The following NBEA variants were observed in gnomAD, a reference collection of about 807,000 sequenced individuals.
NBEA encodes neurobeachin.
In NBEA, 44 loss-of-function variants were observed where a neutral mutation model predicts 343.4. The ratio of observed to expected loss-of-function variants is 0.13; its 90% CI spans 0.10 to 0.16. The LOEUF is 0.16. Ranked by LOEUF, NBEA falls within the 10% of genes least tolerant of loss-of-function variation. The probability of loss-of-function intolerance (pLI) is 1.00; values close to 1 mark genes in which losing one functional copy is unlikely to be tolerated. For missense variants in NBEA, 2,555 were observed against 3,631.3 expected (o/e 0.70, Z 7.62); for synonymous variants, 1,175 against 1,238.7 (o/e 0.95, Z 1.08).
At chr13:35,632,756 G>T (rs2153068241) in intron 49 of NBEA, among the ~76,000 whole-genome samples, 1 of 152,044 alleles carries the variant, frequency 6.6e-6, no homozygotes, top group East Asian at 1.9e-4. Flanking sequence ...ACCGCACCTG[G>T]CTAATTTTTG....
At chr13:35,523,324 A>C (rs2077810836) in intron 41 of NBEA, among the ~76,000 whole-genome samples, 1 of 152,224 alleles carries the variant, frequency 6.6e-6, no homozygotes, top group Non-Finnish European at 1.5e-5. Flanking sequence ...GTTAATTCTC[A>C]TGCCCATTTC....
At chr13:34,997,971 T>A (rs1032221609) in intron 1 of NBEA, among the ~76,000 whole-genome samples, 4 of 152,214 alleles carry the variant, frequency 2.6e-5, no homozygotes, top group African/African-American at 7.2e-5. Context: ...GTATTTTTTT[T>A]ATGTAAACTT....
At chr13:35,454,895 TA>T (rs932148860) in intron 40 of NBEA, among the ~76,000 whole-genome samples, 4 of 151,556 alleles carry the variant, frequency 2.6e-5, no homozygotes, top group Non-Finnish European at 2.9e-5. Context: ...AAATAAAAAA[TA>T]AAAAAACAGG....
At chr13:35,598,466 A>G (rs988097680) in intron 47 of NBEA, among the ~76,000 whole-genome samples, 2 of 152,198 alleles carry the variant, frequency 1.3e-5, no homozygotes, top group African/African-American at 4.8e-5. Flanking sequence ...AGAAATAAAC[A>G]TGGTTTGCAG....
At chr13:35,295,969 T>TA (rs1432982082) in intron 35 of NBEA, among the ~76,000 whole-genome samples, 1 of 152,186 alleles carries the variant, frequency 6.6e-6, no homozygotes, top group Admixed American at 6.5e-5. Context: ...TTTTCTAAGC[T>TA]ACCTGTGATA....
At chr13:35,141,849 T>G (rs553256002) in intron 17 of NBEA, among the ~76,000 whole-genome samples, 236 of 152,334 alleles carry the variant, frequency 1.5e-3, no homozygotes, top group Non-Finnish European at 2.9e-3. Flanking sequence ...GTTTTAGTTC[T>G]TGATATTAAG....
intron 1 of NBEA, among the ~76,000 whole-genome samples, chr13:34,994,198 CAAAAAAAAAAAAAAAAAAA>C (rs57966701): frequency 3.3e-5 from 1 of 29,922 alleles, no homozygotes; most frequent in Non-Finnish European, 8.9e-5. Flanking sequence ...GCTCTGTCTC[CAAAAAAAAAAAAAAAAAAA>C]AAAAAAAAAG....
chr13:35,139,743 C>CTTT (rs1566350012), intron 17 of NBEA, among the ~76,000 whole-genome samples: 2 of 55,138 alleles, frequency 3.6e-5, no homozygotes, highest in South Asian at 5.3e-4. Flanking sequence ...TGATGGATGG[C>CTTT]GTTTTTTTTT....
chr13:35,410,657 C>CT (rs2152916498), intron 38 of NBEA, among the ~76,000 whole-genome samples: 1 of 152,230 alleles, frequency 6.6e-6, no homozygotes, highest in Admixed American at 6.5e-5. Context: ...TTTAGTCCAT[C>CT]CCTAAAGAAC....
At chr13:35,231,370 T>C (rs1041123081) in intron 33 of NBEA, among the ~76,000 whole-genome samples, 7 of 152,196 alleles carry the variant, frequency 4.6e-5, no homozygotes, top group African/African-American at 1.7e-4. Flanking sequence ...AATTATTTTA[T>C]GGTTAATTAC....
rs1032873879 is a variant in NBEA at position 35,272,142 on chromosome 13, A to T, written c.5777-18247A>T. Among the ~76,000 whole-genome samples, 3 of 152,332 alleles carry T rather than the reference A, an allele frequency of 2.0e-5. No individual in the cohort carries two copies. The East Asian group carries it at 5.8e-4, about 29-fold the overall frequency. On this transcript the variant is annotated intron_variant, in intron 34 of 58. Coordinates refer to ENST00000379939, the MANE Select transcript of NBEA (RefSeq NM_001385012.1). ...TTACCCACAAAGGGAAGCCCATCAG[A>T]CTAACAGTGGATATCTCTGCAGAAA...
chr13:34,999,955 G>A (rs186246675), intron 1 of NBEA, among the ~76,000 whole-genome samples: 18 of 152,086 alleles, frequency 1.2e-4, no homozygotes, highest in African/African-American at 2.7e-4. Context: ...ATCATCCGTC[G>A]GTATGTCTGT....
rs150852900 is a variant in NBEA, at chr13:35,671,213, A to G, written c.*222A>G. On this transcript the variant is annotated 3_prime_UTR_variant, in exon 59 of 59. Transcript: ENST00000379939. ...CAAGCAAGCTTATATCATGTAAATTATATGAATTAGGAGATGTTTTGGTAA... is the reference window on the plus strand; with the variant it reads ...CAAGCAAGCTTATATCATGTAAATTGTATGAATTAGGAGATGTTTTGGTAA... 4.6e-4 allele frequency: 206 copies of G among 448,580 alleles called. No homozygotes were observed. The highest frequency in any genetic ancestry group is 3.6e-3 in the African/African-American group (186 of 51,874). 27.8% of individuals were successfully genotyped at this position (448,580 alleles called of 1,614,324 possible).
intron 1 of NBEA, among the ~76,000 whole-genome samples, chr13:35,036,403 G>A (rs184991961): frequency 4.2e-4 from 64 of 152,126 alleles, no homozygotes; most frequent in South Asian, 4.1e-3. Flanking sequence ...TCATCATTTA[G>A]TCTTTCTACT....
chr13:35,386,097 T>C (rs2152895791), intron 38 of NBEA, among the ~76,000 whole-genome samples: 1 of 152,250 alleles, frequency 6.6e-6, no homozygotes, highest in Non-Finnish European at 1.5e-5. Context: ...ATGTTAAAAA[T>C]AAAATATATA....
intron 16 of NBEA, among the ~76,000 whole-genome samples, chr13:35,121,199 G>A (rs2152673777): frequency 6.6e-6 from 1 of 152,042 alleles, no homozygotes; most frequent in Middle Eastern, 3.4e-3. Context: ...CCACCTCCTG[G>A]GTTCAAGCAA....
chr13:35,436,730 T>TGC (rs2152933938), intron 39 of NBEA, among the ~76,000 whole-genome samples: 1 of 149,354 alleles, frequency 6.7e-6, no homozygotes, highest in South Asian at 2.1e-4. Flanking sequence ...AAAAAAAATC[T>TGC]GCTTTGAAAG....
intron 35 of NBEA, among the ~76,000 whole-genome samples, chr13:35,297,311 G>A (rs1209281369): frequency 3.3e-5 from 5 of 151,834 alleles, no homozygotes; most frequent in African/African-American, 1.2e-4. Flanking sequence ...GCATCTGAGT[G>A]CATAAATCTA....
chr13:35,374,945 C>T (rs1349572909), intron 38 of NBEA, among the ~76,000 whole-genome samples: 1 of 152,038 alleles, frequency 6.6e-6, no homozygotes, highest in Non-Finnish European at 1.5e-5. Context: ...AAATAACTTT[C>T]CTAAATAAAA....
Sources: gnomAD v4.1 joint callset for allele counts (sites outside exome capture counted in the v4.1 genomes callset) on GRCh38, gnomAD v4.1.1 for gene constraint, MANE v1.5 for transcripts, NCBI Gene and HGNC (gene_info 2026-07-23, HGNC 2026-07-21) for gene names.